The following UBTD1 variants were observed in gnomAD, a reference collection of about 807,000 sequenced individuals.
The protein encoded by UBTD1 is ubiquitin domain containing 1, also known as ubiquitin domain-containing protein 1.
A neutral mutation model predicts 21.7 loss-of-function variants in UBTD1; 19 were observed. That is an observed-to-expected ratio of 0.87 (90% CI 0.61 to 1.28). The LOEUF (loss-of-function observed/expected upper bound fraction) is 1.28, where lower values mean the gene tolerates loss of function less well. Ranked by LOEUF, UBTD1 falls within the 50% of genes most tolerant of loss-of-function variation. The pLI is 0.00. For synonymous variants in UBTD1, 116 were observed against 135.1 expected (o/e 0.86, Z 0.98); for missense variants, 282 against 315.1 (o/e 0.89, Z 0.80).
At chr10:97,528,858 C>A (rs2040508497) in intron 1 of UBTD1, among the ~76,000 whole-genome samples, 1 of 147,324 alleles carries the variant, frequency 6.8e-6, no homozygotes, top group South Asian at 2.2e-4. Context: ...GGCAGAGGCG[C>A]CCCTCACCTC....
chr10:97,554,484 C>T lies in UBTD1; in HGVS notation c.71-13430C>T, dbSNP rs527352938. Among the ~76,000 whole-genome samples the T allele has an allele frequency of 1.2e-4, 19 of 152,028 alleles. No homozygotes were observed. In the East Asian group the frequency reaches 1.7e-3, roughly 14 times the overall value. On this transcript the variant is annotated intron_variant, in intron 1 of 2. Transcript: ENST00000370664. ...CTGGTCTCGAACTCCTGGACTCAAG[C>T]GATCCACCTGCCTCGGCCTCCCAAA...
chr10:97,513,642 G>T (rs189196147), intron 1 of UBTD1, among the ~76,000 whole-genome samples: 1 of 152,302 alleles, frequency 6.6e-6, no homozygotes, highest in Non-Finnish European at 1.5e-5. Flanking sequence ...AACGATATGA[G>T]AAAGCTCAAA....
chr10:97,526,898 G>A (rs911675226), intron 1 of UBTD1, among the ~76,000 whole-genome samples: 1 of 149,864 alleles, frequency 6.7e-6, no homozygotes, highest in Non-Finnish European at 1.5e-5. Flanking sequence ...TAGGCCGAGC[G>A]TGGTGGCTCA....
At chr10:97,527,603 G>A (rs1276967165) in intron 1 of UBTD1, among the ~76,000 whole-genome samples, 4 of 152,134 alleles carry the variant, frequency 2.6e-5, no homozygotes, top group Admixed American at 6.5e-5. Flanking sequence ...GGTTTTCCAG[G>A]CAGAGTGTTT....
In UBTD1 at chr10:97,499,070, A is replaced by G; in HGVS notation, c.-134A>G. 1 of 1,019,882 alleles carries G rather than the reference A, an allele frequency of 9.8e-7. No homozygotes were observed. The highest frequency in any genetic ancestry group is 1.4e-6 in the Non-Finnish European group (1 of 727,008). 63.2% of individuals were successfully genotyped at this position (1,019,882 alleles called of 1,614,324 possible). A position where few individuals can be genotyped will look rare whatever the true frequency, so the allele number is the denominator to read the frequency against. ...TTTGGCGGAGCCATCGCTGGGGCTGAGCGCGCCCCCGGGGGGAGATCGGGG... is the reference window on the plus strand; with the variant it reads ...TTTGGCGGAGCCATCGCTGGGGCTGGGCGCGCCCCCGGGGGGAGATCGGGG... On this transcript the variant is annotated 5_prime_UTR_variant, in exon 1 of 3. Transcript: ENST00000370664.
chr10:97,534,569 A>ACGCG (rs1265177158), intron 1 of UBTD1, among the ~76,000 whole-genome samples: 5 of 109,422 alleles, frequency 4.6e-5, no homozygotes, highest in Admixed American at 2.1e-4. Context: ...AGGAACACAC[A>ACGCG]CGCGCGCGCG....
chr10:97,542,624 C>T (rs1410712394), intron 1 of UBTD1, among the ~76,000 whole-genome samples: 2 of 152,180 alleles, frequency 1.3e-5, no homozygotes, highest in African/African-American at 4.8e-5. Context: ...AAGGGGCCTT[C>T]CCTGTTGGGA....
At chr10:97,567,526 G>A (rs150641407) in intron 1 of UBTD1, among the ~76,000 whole-genome samples, 149 of 151,930 alleles carry the variant, frequency 9.8e-4, no homozygotes, top group African/African-American at 3.1e-3. Flanking sequence ...AGGCGTGGTG[G>A]TGGGCGCCTG....
intron 1 of UBTD1, among the ~76,000 whole-genome samples, chr10:97,538,146 C>G (rs2040571788): frequency 6.6e-6 from 1 of 151,946 alleles, no homozygotes; most frequent in South Asian, 2.1e-4. Flanking sequence ...TTCCACATAC[C>G]TCTACTCTAG....
chr10:97,532,958 C>CA lies in UBTD1; in HGVS notation c.70+33686dup, dbSNP rs1192805146. On this transcript the variant is annotated intron_variant, in intron 1 of 2. Transcript: ENST00000370664. ...ATCTTCGCAGTCCATGTGGGTAGGA[C>CA]AGTGCCTGGCCCATGGTCAGGGTCC... Among the ~76,000 whole-genome samples the CA allele has an allele frequency of 3.3e-5, 5 of 152,334 alleles. No individual in the cohort carries two copies. In the East Asian group the frequency reaches 9.6e-4, roughly 29 times the overall value.
chr10:97,568,424 A>G (rs963270391), intron 2 of UBTD1, among the ~76,000 whole-genome samples: 1 of 147,972 alleles, frequency 6.8e-6, no homozygotes, highest in African/African-American at 2.5e-5. Context: ...TTTTTATTTT[A>G]TTTTTTTTTT....
chr10:97,534,652 A>G (rs2040551673), intron 1 of UBTD1, among the ~76,000 whole-genome samples: 1 of 151,980 alleles, frequency 6.6e-6, no homozygotes, highest in Admixed American at 6.6e-5. Context: ...GCACAAATAT[A>G]TATCCTAGAA....
At chr10:97,509,730 A>G (rs950967075) in intron 1 of UBTD1, among the ~76,000 whole-genome samples, 1 of 151,972 alleles carries the variant, frequency 6.6e-6, no homozygotes, top group Non-Finnish European at 1.5e-5. Context: ...GGCTCACTGC[A>G]ACTTCCGCCT....
chr10:97,500,181 T>TTGTCCAA (rs1347092669), intron 1 of UBTD1, among the ~76,000 whole-genome samples: 1 of 152,208 alleles, frequency 6.6e-6, no homozygotes, highest in Non-Finnish European at 1.5e-5. Flanking sequence ...GTCACACAGC[T>TTGTCCAA]AGTTAGGAGC....
At chr10:97,504,778 T>C (rs567125744) in intron 1 of UBTD1, among the ~76,000 whole-genome samples, 45 of 152,202 alleles carry the variant, frequency 3.0e-4, no homozygotes, top group African/African-American at 1.1e-3. Context: ...CTTAGATGGG[T>C]GTTAAGGCAG....
chr10:97,500,772 C>G (rs1172845147), intron 1 of UBTD1, among the ~76,000 whole-genome samples: 1 of 152,198 alleles, frequency 6.6e-6, no homozygotes, highest in Admixed American at 6.5e-5. Flanking sequence ...ATTACACTCT[C>G]TCCCAGAGAA....
At chr10:97,563,238 G>A (rs762962257) in intron 1 of UBTD1, among the ~76,000 whole-genome samples, 14 of 152,162 alleles carry the variant, frequency 9.2e-5, no homozygotes, top group Admixed American at 1.3e-4. Flanking sequence ...GGGGTTCAGC[G>A]TAATTATTTG....
chr10:97,559,112 T>C (rs182482928), intron 1 of UBTD1, among the ~76,000 whole-genome samples: 159 of 152,304 alleles, frequency 1.0e-3, no homozygotes, highest in African/African-American at 3.7e-3. Flanking sequence ...CTCCCTGCCA[T>C]GAGAGACACG....
At chr10:97,506,552 T>G (rs989302357) in intron 1 of UBTD1, among the ~76,000 whole-genome samples, 3 of 152,228 alleles carry the variant, frequency 2.0e-5, no homozygotes. Flanking sequence ...TCTATAGTTT[T>G]GTAGCATGAG....
Sources: gnomAD v4.1 joint callset for allele counts (sites outside exome capture counted in the v4.1 genomes callset) on GRCh38, gnomAD v4.1.1 for gene constraint, MANE v1.5 for transcripts, NCBI Gene and HGNC (gene_info 2026-07-23, HGNC 2026-07-21) for gene names.